Variants in KRT7 observed in about 807,000 individuals in gnomAD.
KRT7 encodes the protein keratin, type II cytoskeletal 7.
In KRT7, 50 loss-of-function variants were observed where a neutral mutation model predicts 42.8. That is an observed-to-expected ratio of 1.17 (90% confidence interval 0.93 to 1.48). The LOEUF (loss-of-function observed/expected upper bound fraction) is 1.48, where lower values mean the gene tolerates loss of function less well. KRT7 is among the 40% of genes most tolerant of loss of function. The pLI, the probability that KRT7 is intolerant of heterozygous loss-of-function variation, is 0.00. For synonymous variants in KRT7, 268 were observed against 266.3 expected (o/e 1.01, Z -0.06); for missense variants, 588 against 637.6 (o/e 0.92, Z 0.84).
chr12:52,253,651 C>G (rs866311083), downstream of KRT7: 2 of 1,525,672 alleles, frequency 1.3e-6, no homozygotes, highest in South Asian at 2.2e-5. Context: ...GTGGCAATGT[C>G]ATCGTACTGA....
chr12:52,244,714 GAGCCTAA>G (rs1424038345), intron 6 of KRT7: 6 of 892,480 alleles, frequency 6.7e-6, no homozygotes, highest in Non-Finnish European at 8.1e-6. Context: ...AGTGGGGGCT[GAGCCTAA>G]AGCAGAGGGC....
chr12:52,242,861 C>A, intron 5 of KRT7, 151 bp from the exon 6 acceptor site: 1 of 825,072 alleles, frequency 1.2e-6, no homozygotes, highest in Non-Finnish European at 1.8e-6. Context: ...ACACTGCTGT[C>A]TGGTCTCCTG....
At chr12:52,241,672 G>A in intron 5 of KRT7, 36 bp downstream of exon 5, 1 of 1,562,228 alleles carries the variant, frequency 6.4e-7, no homozygotes, top group East Asian at 2.3e-5. Flanking sequence ...CCTCCTGCCA[G>A]GGTCCTTGGT....
intron 1 of KRT7, among the ~76,000 whole-genome samples, 198 bp from the exon 2 acceptor site, chr12:52,234,957 A>G (rs1941988849): frequency 6.6e-6 from 1 of 152,208 alleles, no homozygotes; most frequent in South Asian, 2.1e-4. Context: ...ACTTCCGTGC[A>G]CCAGGCAGAC....
chr12:52,235,417 C>T, intron 2 of KRT7, 51 bp downstream of exon 2: 3 of 1,481,806 alleles, frequency 2.0e-6, no homozygotes, highest in Non-Finnish European at 2.7e-6. Context: ...GCCAATGTGA[C>T]CCTCATGAGC....
chr12:52,245,598 A>G lies in KRT7; in HGVS notation c.1171A>G (p.Thr391Ala), dbSNP rs773204229. ...GCTGGCCCTGGACATCGAGATCGCC[A>G]CCTACCGCAAGCTGCTGGAGGGCGA... is the stretch of plus-strand genomic sequence containing the variant. ...VKLALDIEIA[T>A]YRKLLEGEES... The change falls in exon 7 of 9, where the codon ACC (threonine) becomes GCC (alanine). Residue 391 changes from threonine to alanine, a missense_variant. Coordinates refer to ENST00000331817, the MANE Select transcript of KRT7 (RefSeq NM_005556.4). 91 of 1,613,754 alleles carry G rather than the reference A, an allele frequency of 5.6e-5. No individual in the cohort carries two copies. The highest frequency in any genetic ancestry group is 1.8e-4 in the Admixed American group (11 of 60,012).
chr12:52,252,249 C>G, downstream of KRT7: 3 of 1,613,614 alleles, frequency 1.9e-6, no homozygotes. Context: ...CTCCCCACAG[C>G]TGTGGTCCTC....
chr12:52,237,451 G>T lies in KRT7; in HGVS notation c.537-58G>T, dbSNP rs528125268. 2.7e-4 allele frequency: 340 copies of T among 1,264,570 alleles called. 1 individual carries two copies. The highest frequency in any genetic ancestry group is 1.8e-3 in the Admixed American group (101 of 55,172). The allele number at this position is 1,264,570 out of a possible 1,614,324, so 78.3% of individuals were successfully genotyped here. A position where few individuals can be genotyped will look rare whatever the true frequency, so the allele number is the denominator to read the frequency against. On this transcript the variant is annotated intron_variant, in intron 2 of 8. Transcript: ENST00000331817. ...AGATTTCACAGCTGCATATGGCGGA[G>T]GGGGGACGGGAGCATGGAGGCAAAG...
intron 1 of KRT7, among the ~76,000 whole-genome samples, chr12:52,234,127 A>AGGGGGGGGGGGGGGG (rs574825664): frequency 2.4e-5 from 2 of 82,844 alleles, no homozygotes; most frequent in Non-Finnish European, 2.4e-5. Flanking sequence ...GGGGCGGGGG[A>AGGGGGGGGGGGGGGG]GGGGGGGGGG....
chr12:52,245,367 G>A, intron 6 of KRT7, 45 bp from the exon 7 acceptor site: 3 of 1,598,298 alleles, frequency 1.9e-6, no homozygotes, highest in Non-Finnish European at 2.6e-6. Context: ...CAGGCAGGAA[G>A]GCAGACTGGT....
At chr12:52,241,389 T>C in intron 4 of KRT7, 83 bp from the exon 5 acceptor site, 1 of 1,258,698 alleles carries the variant, frequency 7.9e-7, no homozygotes, top group Non-Finnish European at 1.1e-6. Flanking sequence ...TCTCTTTTCT[T>C]TCCTTTGTGA....
At chr12:52,254,839 C>T (rs557979827), downstream of KRT7, among the ~76,000 whole-genome samples, 1 of 152,280 alleles carries the variant, frequency 6.6e-6, no homozygotes, top group East Asian at 1.9e-4. Flanking sequence ...TCACAATAAC[C>T]CCTGCTTTCC....
Position 52,243,057 on chromosome 12 carries a change from C to T in KRT7, c.904C>T (p.Arg302Trp), listed in dbSNP as rs376561809. The change falls in exon 6 of 9, where the codon CGG (arginine) becomes TGG (tryptophan). Residue 302 changes from arginine (R) to tryptophan (W), a missense_variant. Transcript: ENST00000331817. ...GGCTGGGAAGCATGGGGACGACCTC[C>T]GGAATACCCGGAATGAGATTTCAGA... ...AQAGKHGDDLRNTRNEISEMN... is the reference protein window; with the variant it reads ...AQAGKHGDDLWNTRNEISEMN... 98 of 1,613,790 alleles carry T rather than the reference C, an allele frequency of 6.1e-5. No individual in the cohort carries two copies. The highest frequency in any genetic ancestry group is 2.3e-4 in the South Asian group (21 of 91,058).
chr12:52,233,986 C>A (rs74093358), intron 1 of KRT7, among the ~76,000 whole-genome samples: 4,295 of 152,244 alleles, frequency 0.028, 191 homozygotes, highest in African/African-American at 0.099. Context: ...TCTCTGGGAC[C>A]CTTTCCCTGA....
downstream of KRT7, chr12:52,251,653 A>C: frequency 3.9e-6 from 1 of 258,510 alleles, no homozygotes; most frequent in Non-Finnish European, 7.5e-6. Flanking sequence ...AATATGGTAT[A>C]ATCTAATGGG....
At chr12:52,250,510 A>C (rs2121122724), downstream of KRT7, 1 of 754,082 alleles carries the variant, frequency 1.3e-6, no homozygotes, top group African/African-American at 1.8e-5. Flanking sequence ...CTCTGGCCGC[A>C]GGGCGCACAC....
chr12:52,233,412 T>G lies in KRT7; in HGVS notation c.116T>G (p.Leu39Arg), dbSNP rs1941951037. The stretch of plus-strand genomic sequence containing the variant: ...CCCGGCGGCCTTGGCAGCAGCAGCC[T>G]CTACGGCCTCGGCGCCTCACGGCCG... Reference protein sequence around the residue: ...ARPGGLGSSSLYGLGASRPRV... With the variant: ...ARPGGLGSSSRYGLGASRPRV... The change falls in exon 1 of 9, where the codon CTC (leucine) becomes CGC (arginine). Residue 39 changes from leucine (L) to arginine (R), a missense_variant. Transcript: ENST00000331817. 1.3e-6 allele frequency: 2 copies of G among 1,561,428 alleles called. No homozygotes were observed. Among genetic ancestry groups the G allele is most frequent in the Non-Finnish European group, 1.7e-6 (2 of 1,160,526 alleles).
At chr12:52,253,448 G>A, downstream of KRT7, 1 of 1,541,780 alleles carries the variant, frequency 6.5e-7, no homozygotes, top group Non-Finnish European at 8.9e-7. Flanking sequence ...AACCACACAT[G>A]GCAGTCCTGC....
downstream of KRT7, among the ~76,000 whole-genome samples, chr12:52,255,650 C>T (rs1942324203): frequency 1.3e-5 from 2 of 152,194 alleles, no homozygotes; most frequent in African/African-American, 4.8e-5. Context: ...GGGGGCCCTG[C>T]ACATTTTCGA....
Sources: allele counts gnomAD v4.1 joint callset (sites outside exome capture counted in the v4.1 genomes callset), GRCh38; gene constraint gnomAD v4.1.1; transcripts MANE v1.5; gene names NCBI Gene and HGNC (gene_info 2026-07-23, HGNC 2026-07-21).